Variants in WDPCP observed in about 807,000 individuals in gnomAD.
WDPCP encodes WD repeat-containing and planar cell polarity effector protein fritz homolog.
A neutral mutation model predicts 93.1 loss-of-function variants in WDPCP; 71 were observed. The ratio of observed to expected loss-of-function variants is 0.76; its 90% CI spans 0.63 to 0.93. The LOEUF (loss-of-function observed/expected upper bound fraction) is 0.93, where lower values mean the gene tolerates loss of function less well. WDPCP is among the 40% of genes least tolerant of loss of function. The pLI, the probability that WDPCP is intolerant of heterozygous loss-of-function variation, is 0.00. For synonymous variants in WDPCP, 315 were observed against 315.0 expected (o/e 1.00, Z 0.00); for missense variants, 844 against 887.4 (o/e 0.95, Z 0.62).
intron 17 of WDPCP, among the ~76,000 whole-genome samples, chr2:63,124,555 A>G (rs960935102): frequency 3.3e-5 from 5 of 152,168 alleles, no homozygotes; most frequent in African/African-American, 1.2e-4. Flanking sequence ...CTTTGCTATA[A>G]ACTGGATTTT....
At chr2:63,670,233 G>A (rs1038859456) in intron 2 of WDPCP, among the ~76,000 whole-genome samples, 3 of 152,084 alleles carry the variant, frequency 2.0e-5, no homozygotes, top group Admixed American at 1.3e-4. Context: ...AAGGTGCCAG[G>A]CTTTTATATC....
intron 6 of WDPCP, among the ~76,000 whole-genome samples, chr2:63,471,218 A>G (rs1699670372): frequency 6.6e-6 from 1 of 152,242 alleles, no homozygotes; most frequent in South Asian, 2.1e-4. Context: ...CACATAGAAT[A>G]CTATCTGGCA....
intron 14 of WDPCP, among the ~76,000 whole-genome samples, chr2:63,186,034 G>C (rs1674614386): frequency 6.6e-6 from 1 of 152,134 alleles, no homozygotes; most frequent in African/African-American, 2.4e-5. Flanking sequence ...TGCTGCACCA[G>C]GTTCCTCACA....
intron 12 of WDPCP, among the ~76,000 whole-genome samples, chr2:63,352,274 T>C (rs1247428942): frequency 6.6e-6 from 1 of 152,226 alleles, no homozygotes; most frequent in Non-Finnish European, 1.5e-5. Flanking sequence ...TTTCATTTAA[T>C]CAGGATGCAC....
chr2:63,769,332 A>G (rs1287614620), intron 2 of WDPCP, among the ~76,000 whole-genome samples: 2 of 152,066 alleles, frequency 1.3e-5, no homozygotes, highest in Non-Finnish European at 2.9e-5. Flanking sequence ...GGAAATTCCA[A>G]TAACATAAAA....
chr2:63,810,585 A>C (rs1670849617), intron 2 of WDPCP, among the ~76,000 whole-genome samples: 1 of 152,210 alleles, frequency 6.6e-6, no homozygotes, highest in Non-Finnish European at 1.5e-5. Context: ...CTATAAAAGA[A>C]TTCCCTAAAA....
chr2:63,809,173 C>G (rs1179565249), intron 2 of WDPCP, among the ~76,000 whole-genome samples: 1 of 150,810 alleles, frequency 6.6e-6, no homozygotes. Context: ...AAGTGAGGAG[C>G]GTCTCCGCCC....
intron 12 of WDPCP, among the ~76,000 whole-genome samples, chr2:63,362,258 C>CTTT (rs67493046): frequency 0.22 from 20,388 of 93,090 alleles, 3,634 homozygotes; most frequent in East Asian, 0.58. Context: ...GGTAGAATCC[C>CTTT]TTTTTTTTTT....
intron 1 of WDPCP, among the ~76,000 whole-genome samples, chr2:63,575,351 G>GGTATATACAGTATATACA (rs1229135119): frequency 1.9e-5 from 2 of 107,480 alleles, no homozygotes; most frequent in African/African-American, 3.4e-5. Flanking sequence ...TACTGTATAT[G>GGTATATACAGTATATACA]GTATATACAG....
At chr2:63,636,322 C>A (rs566658131) in intron 3 of WDPCP, among the ~76,000 whole-genome samples, 2 of 152,256 alleles carry the variant, frequency 1.3e-5, no homozygotes, top group East Asian at 3.9e-4. Flanking sequence ...AAAATTTTAT[C>A]ATCATTTTTC....
chr2:63,840,537 C>A, the WDPCP span, among the ~76,000 whole-genome samples: 1 of 152,186 alleles, frequency 6.6e-6, no homozygotes, highest in African/African-American at 2.4e-5. Flanking sequence ...CCACACAGGC[C>A]AATGCCTACT....
intron 2 of WDPCP, among the ~76,000 whole-genome samples, chr2:63,787,718 C>T (rs909618795): frequency 1.3e-5 from 2 of 152,060 alleles, no homozygotes; most frequent in East Asian, 1.9e-4. Flanking sequence ...AACTATGGAA[C>T]CAAAATACTA....
At chr2:63,247,145 A>G (rs747880725) in intron 14 of WDPCP, among the ~76,000 whole-genome samples, 12 of 152,176 alleles carry the variant, frequency 7.9e-5, no homozygotes, top group Admixed American at 3.9e-4. Context: ...TCCCTAGATG[A>G]CCCACTTCCG....
chr2:63,340,615 G>C (rs1245879302), intron 12 of WDPCP, among the ~76,000 whole-genome samples: 2 of 152,160 alleles, frequency 1.3e-5, no homozygotes. Flanking sequence ...ACTGTGAACT[G>C]AAGTGAAGAT....
intron 13 of WDPCP, among the ~76,000 whole-genome samples, chr2:63,308,830 T>C (rs1473307313): frequency 1.3e-5 from 2 of 152,114 alleles, no homozygotes; most frequent in African/African-American, 4.8e-5. Flanking sequence ...CAATGGCACA[T>C]GTATACCTAT....
At chr2:63,623,364 C>T (rs895871434) in intron 3 of WDPCP, among the ~76,000 whole-genome samples, 7 of 152,026 alleles carry the variant, frequency 4.6e-5, no homozygotes, top group African/African-American at 1.7e-4. Flanking sequence ...GGGCTAAATG[C>T]CCCAATTAAA....
At chr2:63,643,458 T>C (rs1558873823) in intron 3 of WDPCP, 1 of 338,284 alleles carries the variant, frequency 3.0e-6, no homozygotes, top group South Asian at 2.6e-5. Context: ...ATCCAGGATG[T>C]CTCTCCCTGG....
At chr2:63,659,673 G>A (rs1258102252) in intron 2 of WDPCP, among the ~76,000 whole-genome samples, 1 of 152,200 alleles carries the variant, frequency 6.6e-6, no homozygotes, top group Non-Finnish European at 1.5e-5. Flanking sequence ...TATATTGTGA[G>A]AGAATGCATT....
chr2:63,299,723 G>A (rs562597707), intron 13 of WDPCP, among the ~76,000 whole-genome samples: 14 of 152,272 alleles, frequency 9.2e-5, no homozygotes, highest in East Asian at 3.9e-4. Flanking sequence ...GTTGCTCTGC[G>A]ACATTACATT....
Sources: gnomAD v4.1 joint callset for allele counts (sites outside exome capture counted in the v4.1 genomes callset) on GRCh38, gnomAD v4.1.1 for gene constraint, MANE v1.5 for transcripts, NCBI Gene and HGNC (gene_info 2026-07-23, HGNC 2026-07-21) for gene names.